Variants in CREBBP observed in about 807,000 individuals in gnomAD.
The protein encoded by CREBBP is CREB binding lysine acetyltransferase.
In CREBBP, 19 loss-of-function variants were observed where a neutral mutation model predicts 265.0. The observed-to-expected ratio is 0.07, with a 90% confidence interval of 0.05 to 0.11. The LOEUF is 0.11. Ranked by LOEUF, CREBBP falls within the 10% of genes least tolerant of loss-of-function variation. The pLI, the probability that CREBBP is intolerant of heterozygous loss-of-function variation, is 1.00. For synonymous variants in CREBBP, 1,457 were observed against 1,223.7 expected (o/e 1.19, Z -3.98); for missense variants, 2,525 against 3,219.0 (o/e 0.78, Z 5.22).
At chr16:3,736,261 G>C in intron 27 of CREBBP, 58 bp from the exon 28 acceptor site, 1 of 1,556,592 alleles carries the variant, frequency 6.4e-7, no homozygotes, top group Non-Finnish European at 8.9e-7. Context: ...CCCCCACCAT[G>C]GTGCGACAGA....
intron 26 of CREBBP, among the ~76,000 whole-genome samples, chr16:3,738,162 C>A (rs955264662): frequency 2.6e-5 from 4 of 152,024 alleles, no homozygotes; most frequent in Non-Finnish European, 4.4e-5. Context: ...TTCAGGTGAT[C>A]CACCGCAGCA....
At chr16:3,873,758 C>T (rs1391092842) in intron 1 of CREBBP, among the ~76,000 whole-genome samples, 1 of 152,208 alleles carries the variant, frequency 6.6e-6, no homozygotes, top group Non-Finnish European at 1.5e-5. Flanking sequence ...CTAAGGCCAG[C>T]TGGTTTGGTG....
At chr16:3,844,742 A>T (rs1386162485) in intron 2 of CREBBP, among the ~76,000 whole-genome samples, 1 of 152,184 alleles carries the variant, frequency 6.6e-6, no homozygotes, top group East Asian at 1.9e-4. Context: ...AATTAAGATA[A>T]CCCCATAAAG....
chr16:3,780,223 C>T (rs1029755402), intron 8 of CREBBP, among the ~76,000 whole-genome samples: 10 of 127,360 alleles, frequency 7.9e-5, no homozygotes, highest in Middle Eastern at 5.4e-3. Context: ...GTCTAAGCAA[C>T]AGAGCGAGAC....
chr16:3,726,582 CA>C lies in CREBBP; in HGVS notation c.*1135del. On this transcript the variant is annotated 3_prime_UTR_variant, in exon 31 of 31. Transcript: ENST00000262367. ...AACCATGTCTTACAAAGAACAGACT[CA>C]AAAAATATATATAAATAAATAAAAA... 4.3e-6 allele frequency: 1 copy of C among 233,460 alleles called. No homozygotes were observed. The highest frequency in any genetic ancestry group is 8.5e-6 in the Non-Finnish European group (1 of 118,000). 14.5% of individuals were successfully genotyped at this position (233,460 alleles called of 1,614,324 possible). A position where few individuals can be genotyped will look rare whatever the true frequency, so the allele number is the denominator to read the frequency against.
chr16:3,766,410 T>C (rs1282915973), intron 16 of CREBBP, among the ~76,000 whole-genome samples: 1 of 152,250 alleles, frequency 6.6e-6, no homozygotes, highest in Admixed American at 6.5e-5. Flanking sequence ...CAGATACCCT[T>C]AATAACGCCA....
At chr16:3,872,362 C>T (rs1052087310) in intron 1 of CREBBP, among the ~76,000 whole-genome samples, 4 of 152,152 alleles carry the variant, frequency 2.6e-5, no homozygotes, top group Non-Finnish European at 4.4e-5. Context: ...AAAGACCTGA[C>T]CACTCCAGGA....
chr16:3,771,484 A>AT (rs1567300046), intron 13 of CREBBP, among the ~76,000 whole-genome samples: 1 of 152,206 alleles, frequency 6.6e-6, no homozygotes, highest in African/African-American at 2.4e-5. Flanking sequence ...CACGTTTCTT[A>AT]TAGTCTGATT....
intron 8 of CREBBP, among the ~76,000 whole-genome samples, chr16:3,780,414 C>G (rs1434099798): frequency 6.6e-6 from 1 of 152,180 alleles, no homozygotes; most frequent in African/African-American, 2.4e-5. Context: ...CCCCAGCCCC[C>G]TCACGCAGCC....
At chr16:3,812,523 G>A (rs898888942) in intron 2 of CREBBP, among the ~76,000 whole-genome samples, 1 of 151,406 alleles carries the variant, frequency 6.6e-6, no homozygotes, top group African/African-American at 2.4e-5. Context: ...AAAGTGCACT[G>A]AAATCAAATA....
At chr16:3,799,424 G>A (rs1394733012) in intron 3 of CREBBP, among the ~76,000 whole-genome samples, 1 of 152,190 alleles carries the variant, frequency 6.6e-6, no homozygotes, top group African/African-American at 2.4e-5. Context: ...TTTAAAAAAT[G>A]CTAATTGGTA....
intron 3 of CREBBP, among the ~76,000 whole-genome samples, chr16:3,804,888 A>G (rs1288222201): frequency 1.3e-5 from 2 of 152,268 alleles, no homozygotes; most frequent in African/African-American, 4.8e-5. Flanking sequence ...ATCAGACTCT[A>G]GAAAAGATAC....
intron 3 of CREBBP, among the ~76,000 whole-genome samples, chr16:3,802,031 T>C (rs893322404): frequency 1.3e-5 from 2 of 151,702 alleles, no homozygotes; most frequent in African/African-American, 2.4e-5. Flanking sequence ...TATTACATAA[T>C]TGGCAGCCTC....
chr16:3,750,187 G>C (rs1172007661), intron 20 of CREBBP, among the ~76,000 whole-genome samples: 1 of 152,146 alleles, frequency 6.6e-6, no homozygotes, highest in Non-Finnish European at 1.5e-5. Flanking sequence ...ATTTTTTGTA[G>C]AGATGGGGTC....
In CREBBP at chr16:3,770,745, G is replaced by T. The variant is rs1332741491; in HGVS notation, c.2705C>A (p.Thr902Asn). Residue 902 changes from threonine (T) to asparagine (N), a missense_variant, in exon 14 of 31, where the codon ACT becomes AAT. Thr to Asn is a moderately conservative substitution (Grantham distance 65). This residue lies in a region of CREBBP where 548 missense variants were observed against 533.0 expected (regional missense o/e 1.03). Transcript: ENST00000262367. Reference protein sequence around the residue: ...VSSSGQTPTPTPGSVPSATQT... With the variant: ...VSSSGQTPTPNPGSVPSATQT... ...GGTAGCACTGGGCACTGAGCCAGGA[G>T]TCGGGGTGGGAGTCTGCCCGGAAGA... 11 of 1,614,154 alleles carry T rather than the reference G, an allele frequency of 6.8e-6. No individual in the cohort carries two copies. The highest frequency in any genetic ancestry group is 9.3e-6 in the Non-Finnish European group (11 of 1,180,018).
chr16:3,810,817 C>G, intron 2 of CREBBP, 38 bp from the exon 3 acceptor site: 3 of 1,605,250 alleles, frequency 1.9e-6, no homozygotes, highest in Non-Finnish European at 2.6e-6. Context: ...TGTGGTGACG[C>G]AGTCAATATA....
At chr16:3,789,987 A>G (rs1457297882) in intron 5 of CREBBP, among the ~76,000 whole-genome samples, 1 of 152,194 alleles carries the variant, frequency 6.6e-6, no homozygotes, top group Non-Finnish European at 1.5e-5. Flanking sequence ...TCATGGTAGT[A>G]TGTACTAAAA....
intron 27 of CREBBP, 86 bp downstream of exon 27, chr16:3,736,564 C>A (rs1033228632): frequency 9.6e-6 from 15 of 1,556,558 alleles, no homozygotes; most frequent in Non-Finnish European, 1.3e-5. Context: ...AGGTAATTAA[C>A]AAGTATGCGA....
intron 10 of CREBBP, 51 bp from the exon 11 acceptor site, chr16:3,777,708 T>G: frequency 6.3e-7 from 1 of 1,597,530 alleles, no homozygotes; most frequent in Non-Finnish European, 8.6e-7. Context: ...TTATTTAATA[T>G]AATCCTTGAT....
Sources: allele counts gnomAD v4.1 joint callset (sites outside exome capture counted in the v4.1 genomes callset), GRCh38; gene constraint gnomAD v4.1.1; regional missense constraint gnomAD v4.1.1; transcripts MANE v1.5; gene names NCBI Gene and HGNC (gene_info 2026-07-23, HGNC 2026-07-21).